Variants in SLC9C2 observed in about 807,000 individuals in gnomAD.
SLC9C2 encodes solute carrier family 9 member C2 (putative), also known as sodium/hydrogen exchanger 11.
A neutral mutation model predicts 140.2 loss-of-function variants in SLC9C2; 75 were observed. The observed-to-expected ratio is 0.53, with a 90% CI of 0.44 to 0.65. The LOEUF (loss-of-function observed/expected upper bound fraction) is 0.65. Among genes scored for constraint, SLC9C2 ranks in the 30% least tolerant of loss-of-function variants. SLC9C2 has a pLI of 0.00. For missense variants in SLC9C2, 1,074 were observed against 1,331.8 expected (o/e 0.81, Z 3.01); for synonymous variants, 375 against 420.9 (o/e 0.89, Z 1.34).
At chr1:173,555,830 C>T (rs544176984) in intron 10 of SLC9C2, among the ~76,000 whole-genome samples, 20 of 152,162 alleles carry the variant, frequency 1.3e-4, no homozygotes, top group Non-Finnish European at 2.8e-4. Flanking sequence ...AAAAATAGCA[C>T]TTCCTGTTTG....
At chr1:173,552,278 T>C (rs1415426940) in intron 11 of SLC9C2, among the ~76,000 whole-genome samples, 1 of 152,218 alleles carries the variant, frequency 6.6e-6, no homozygotes, top group African/African-American at 2.4e-5. Flanking sequence ...CAAGTGCTGA[T>C]GTAGAAGCTG....
chr1:173,553,995 A>G (rs1265562567), intron 11 of SLC9C2, among the ~76,000 whole-genome samples: 1 of 152,156 alleles, frequency 6.6e-6, no homozygotes, highest in African/African-American at 2.4e-5. Flanking sequence ...GCCACCAAGT[A>G]TCTTATCCTG....
intron 13 of SLC9C2, among the ~76,000 whole-genome samples, chr1:173,543,005 C>T (rs1662558337): frequency 6.6e-6 from 1 of 152,112 alleles, no homozygotes; most frequent in Admixed American, 6.6e-5. Context: ...GAAGTTCTGG[C>T]CAGGGCAATC....
At chr1:173,529,185 G>T (rs1270317920) in intron 18 of SLC9C2, among the ~76,000 whole-genome samples, 1 of 152,178 alleles carries the variant, frequency 6.6e-6, no homozygotes, top group Admixed American at 6.5e-5. Context: ...GATTCTCACT[G>T]CAAAGAGCAG....
At chr1:173,502,659 T>C (rs1409401629) in intron 27 of SLC9C2, among the ~76,000 whole-genome samples, 1 of 152,252 alleles carries the variant, frequency 6.6e-6, no homozygotes, top group Non-Finnish European at 1.5e-5. Flanking sequence ...GGAAAAGATG[T>C]AGGGGCAAAC....
intron 5 of SLC9C2, among the ~76,000 whole-genome samples, chr1:173,586,487 T>C (rs1477022902): frequency 2.0e-5 from 3 of 152,162 alleles, no homozygotes; most frequent in African/African-American, 7.2e-5. Flanking sequence ...TACTGCTGTG[T>C]TAATAAAACC....
intron 23 of SLC9C2, among the ~76,000 whole-genome samples, chr1:173,515,442 G>C (rs35567631): frequency 0.15 from 22,542 of 152,024 alleles, 2,008 homozygotes; most frequent in East Asian, 0.31. Flanking sequence ...TCTTCCACTT[G>C]ATAGATTCAG....
At chr1:173,602,259 A>C (rs6665497) in intron 1 of SLC9C2, among the ~76,000 whole-genome samples, 1,760 of 152,202 alleles carry the variant, frequency 0.012, 45 homozygotes, top group African/African-American at 0.041. Context: ...AGGGGGAAGG[A>C]GCATGGATAA....
chr1:173,577,607 G>A lies in SLC9C2; in HGVS notation c.803-847C>T, dbSNP rs1052868285. Among the ~76,000 whole-genome samples the A allele has an allele frequency of 5.9e-5, 9 of 152,198 alleles. No homozygotes were observed. In the South Asian group the frequency reaches 1.2e-3, roughly 21 times the overall value. On this transcript the variant is annotated intron_variant, in intron 7 of 27. Transcript: ENST00000367714. ...GGGGAAAGCAGAGCTGGTTGCTTTT[G>A]GAATGTGACCTCACCTTCCTCCATT...
chr1:173,603,045 C>T lies in SLC9C2; in HGVS notation c.-374G>A, dbSNP rs1454944945. The T allele has an allele frequency of 6.6e-6, 1 of 152,206 alleles. No homozygotes were observed. Among genetic ancestry groups the T allele is most frequent in the Non-Finnish European group, 1.5e-5 (1 of 68,052 alleles). 9.4% of individuals were successfully genotyped at this position (152,206 alleles called of 1,614,324 possible). ...CAAAGAACAATGCACAGTTATGCGT[C>T]TGTTTGCCAGGGACAGTACTACCAA... On this transcript the variant is annotated 5_prime_UTR_variant, in exon 1 of 28. Transcript: ENST00000367714.
At chr1:173,549,692 T>C (rs1663115250) in intron 11 of SLC9C2, among the ~76,000 whole-genome samples, 1 of 152,256 alleles carries the variant, frequency 6.6e-6, no homozygotes, top group Non-Finnish European at 1.5e-5. Context: ...CTGTTAAATG[T>C]GTACCACATG....
At position 173,507,481 on chromosome 1, in the gene SLC9C2, G is replaced by A. The variant is rs904676082; in HGVS notation, c.3040-440C>T. On this transcript the variant is annotated intron_variant, in intron 24 of 27. Coordinates refer to ENST00000367714, the MANE Select transcript of SLC9C2 (RefSeq NM_178527.4). ...CTCAGAGTCATAGACTTTAGAACTG[G>A]GAGGGAGTTATTATGGGTTGAATTG... Among the ~76,000 whole-genome samples, 6 of 151,328 alleles carry A rather than the reference G, an allele frequency of 4.0e-5. No individual in the cohort carries two copies. The Admixed American group carries it at 4.0e-4, about 10-fold the overall frequency.
At chr1:173,560,678 C>A (rs571565104) in intron 9 of SLC9C2, among the ~76,000 whole-genome samples, 4 of 152,340 alleles carry the variant, frequency 2.6e-5, no homozygotes, top group African/African-American at 7.2e-5. Context: ...GGAAACCCAA[C>A]CTATGACTCC....
chr1:173,533,520 C>A (rs1661733323), intron 17 of SLC9C2, 89 bp downstream of exon 17: 3 of 943,202 alleles, frequency 3.2e-6, no homozygotes, highest in Non-Finnish European at 4.8e-6. Context: ...TCAAGCAATC[C>A]ACCCACCTAG....
intron 10 of SLC9C2, 61 bp from the exon 11 acceptor site, chr1:173,554,875 TC>T: frequency 2.0e-6 from 2 of 999,976 alleles, no homozygotes; most frequent in South Asian, 2.9e-5. Context: ...CCAAAAGCAA[TC>T]ATTGTTCAAT....
At chr1:173,568,747 T>G (rs952422604) in intron 9 of SLC9C2, among the ~76,000 whole-genome samples, 5 of 152,194 alleles carry the variant, frequency 3.3e-5, no homozygotes, top group African/African-American at 4.8e-5. Flanking sequence ...TACCCACTAT[T>G]ACCAGTAAGT....
chr1:173,582,705 T>C (rs547013201), intron 6 of SLC9C2, among the ~76,000 whole-genome samples: 11 of 152,208 alleles, frequency 7.2e-5, no homozygotes, highest in African/African-American at 2.7e-4. Context: ...CCCCTTTTCA[T>C]TTCTACTAGT....
Position 173,565,845 on chromosome 1 carries a change from G to A in SLC9C2, c.1046+7337C>T, listed in dbSNP as rs559856549. Reference sequence around the variant, plus strand: ...TTGATCCTTCCAATTCATGAACGTGGAATGTCTTTTTTTTATCATGAAGGC... The same window carrying A: ...TTGATCCTTCCAATTCATGAACGTGAAATGTCTTTTTTTTATCATGAAGGC... On this transcript the variant is annotated intron_variant, in intron 9 of 27. Coordinates refer to ENST00000367714, the MANE Select transcript of SLC9C2 (RefSeq NM_178527.4). Among the ~76,000 whole-genome samples, 5 of 152,192 alleles carry A rather than the reference G, an allele frequency of 3.3e-5. No homozygotes were observed. In the East Asian group the frequency reaches 9.6e-4, roughly 29 times the overall value.
At chr1:173,574,358 C>T (rs1046292172) in intron 8 of SLC9C2, among the ~76,000 whole-genome samples, 1 of 152,192 alleles carries the variant, frequency 6.6e-6, no homozygotes, top group Non-Finnish European at 1.5e-5. Flanking sequence ...ATCAAGGAGA[C>T]AGTTTGGTTC....
Sources: gnomAD v4.1 joint callset for allele counts (sites outside exome capture counted in the v4.1 genomes callset) on GRCh38, gnomAD v4.1.1 for gene constraint, MANE v1.5 for transcripts, NCBI Gene and HGNC (gene_info 2026-07-23, HGNC 2026-07-21) for gene names.